CNTN4: variants seen among roughly 807,000 people sequenced by gnomAD.
CNTN4 encodes contactin 4.
Under a neutral mutation model 122.5 loss-of-function variants are expected in CNTN4, and 77 were observed. The observed-to-expected ratio is 0.63, with a 90% CI of 0.52 to 0.76. CNTN4 has a LOEUF of 0.76. Among genes scored for constraint, CNTN4 ranks in the 30% least tolerant of loss-of-function variants. The pLI is 0.00. For synonymous variants in CNTN4, 512 were observed against 447.0 expected (o/e 1.15, Z -1.83); for missense variants, 1,256 against 1,259.1 (o/e 1.00, Z 0.04).
At chr3:2,407,716 A>G (rs2047089843) in intron 3 of CNTN4, among the ~76,000 whole-genome samples, 1 of 152,186 alleles carries the variant, frequency 6.6e-6, no homozygotes, top group African/African-American at 2.4e-5. Context: ...ATGCGTCAAA[A>G]TGTCGTATCT....
chr3:2,738,374 A>G (rs1220664157), intron 5 of CNTN4, among the ~76,000 whole-genome samples: 4 of 152,206 alleles, frequency 2.6e-5, no homozygotes, highest in African/African-American at 9.6e-5. Context: ...AAATGTATGG[A>G]TAGCCTAAAT....
chr3:2,342,247 G>A (rs1033274527), intron 3 of CNTN4, among the ~76,000 whole-genome samples: 1 of 152,102 alleles, frequency 6.6e-6, no homozygotes, highest in Non-Finnish European at 1.5e-5. Flanking sequence ...CTTGGGTCAT[G>A]TTAGGTTACT....
intron 7 of CNTN4, among the ~76,000 whole-genome samples, chr3:2,859,594 C>T (rs2093652418): frequency 6.6e-6 from 1 of 151,550 alleles, no homozygotes; most frequent in African/African-American, 2.4e-5. Flanking sequence ...TTACTGACTC[C>T]AGATCTAGGC....
In CNTN4 at chr3:2,990,678, G is replaced by A. The variant is rs569060013; in HGVS notation, c.1486+2206G>A. Among the ~76,000 whole-genome samples the A allele has an allele frequency of 1.2e-3, 179 of 152,244 alleles. 2 individuals are homozygous for A. Among genetic ancestry groups the A allele is most frequent in the Non-Finnish European group, 1.9e-3 (132 of 68,024 alleles). The stretch of plus-strand genomic sequence containing the variant: ...TGCTGCTCATCTTACACTGAATCAC[G>A]ATGCAAAGCCTACAAATATATCAGG... On this transcript the variant is annotated intron_variant, in intron 14 of 24. Coordinates refer to ENST00000418658, the MANE Select transcript of CNTN4 (RefSeq NM_175607.3).
At chr3:2,257,023 A>G (rs2040622167) in intron 2 of CNTN4, among the ~76,000 whole-genome samples, 1 of 152,138 alleles carries the variant, frequency 6.6e-6, no homozygotes, top group South Asian at 2.1e-4. Flanking sequence ...GCATCAGGCT[A>G]CCTGACTTCA....
chr3:2,664,150 A>G (rs1373358504), intron 4 of CNTN4, among the ~76,000 whole-genome samples: 2 of 152,222 alleles, frequency 1.3e-5, no homozygotes. Context: ...CTTTTTAAAT[A>G]GGTAAATTGC....
intron 4 of CNTN4, among the ~76,000 whole-genome samples, chr3:2,583,723 C>T (rs2149586974): frequency 6.6e-6 from 1 of 152,178 alleles, no homozygotes; most frequent in South Asian, 2.1e-4. Flanking sequence ...AATGAAATAA[C>T]TGTTCATTCA....
intron 2 of CNTN4, among the ~76,000 whole-genome samples, chr3:2,288,592 A>G (rs2149975020): frequency 6.6e-6 from 1 of 152,304 alleles, no homozygotes; most frequent in East Asian, 1.9e-4. Flanking sequence ...GTTGCTATAA[A>G]AACAGATCAA....
chr3:2,782,419 C>G (rs541489614), intron 6 of CNTN4, among the ~76,000 whole-genome samples: 3 of 150,194 alleles, frequency 2.0e-5, no homozygotes, highest in Admixed American at 2.0e-4. Context: ...GCGATGAAGA[C>G]TTGAAAATGT....
chr3:2,213,971 G>A (rs1197805778), intron 2 of CNTN4, among the ~76,000 whole-genome samples: 1 of 152,090 alleles, frequency 6.6e-6, no homozygotes, highest in Non-Finnish European at 1.5e-5. Context: ...ATGCTTGGAG[G>A]CTTATTTCGT....
chr3:2,392,437 G>C (rs2046473381), intron 3 of CNTN4, among the ~76,000 whole-genome samples: 2 of 152,244 alleles, frequency 1.3e-5, no homozygotes, highest in African/African-American at 4.8e-5. Context: ...CTTGTTACCA[G>C]ATGAAAAATA....
chr3:2,229,375 C>G (rs973591521), intron 2 of CNTN4, among the ~76,000 whole-genome samples: 5 of 152,078 alleles, frequency 3.3e-5, no homozygotes, highest in African/African-American at 9.7e-5. Context: ...CATCAGCTTC[C>G]TGAAGTCCAG....
intron 2 of CNTN4, among the ~76,000 whole-genome samples, chr3:2,242,482 C>T (rs1455596319): frequency 6.6e-6 from 1 of 152,074 alleles, no homozygotes; most frequent in Non-Finnish European, 1.5e-5. Context: ...GCAGGATGTG[C>T]AGGTTTGTTA....
At chr3:2,810,314 C>T (rs1262054936) in intron 6 of CNTN4, among the ~76,000 whole-genome samples, 2 of 152,112 alleles carry the variant, frequency 1.3e-5, no homozygotes, top group Non-Finnish European at 2.9e-5. Context: ...TAGCATTCTT[C>T]CAAATAGATA....
At chr3:2,165,030 T>A (rs1347088359) in intron 2 of CNTN4, among the ~76,000 whole-genome samples, 1 of 152,018 alleles carries the variant, frequency 6.6e-6, no homozygotes, top group Non-Finnish European at 1.5e-5. Context: ...TGCATTAATA[T>A]CACCTAAGGT....
At chr3:2,119,714 T>C (rs2033595312) in intron 2 of CNTN4, among the ~76,000 whole-genome samples, 1 of 152,190 alleles carries the variant, frequency 6.6e-6, no homozygotes. Context: ...ATCCACTTCA[T>C]TTTTCCATTT....
At position 2,521,959 on chromosome 3, in the gene CNTN4, GA is replaced by G. The variant is rs756878359; in HGVS notation, c.-88-49456del. Among the ~76,000 whole-genome samples the G allele has an allele frequency of 5.9e-5, 9 of 152,196 alleles. No individual in the cohort carries two copies. The South Asian group carries it at 1.0e-3, about 18-fold the overall frequency. On this transcript the variant is annotated intron_variant, in intron 3 of 24. Coordinates refer to ENST00000418658, the MANE Select transcript of CNTN4 (RefSeq NM_175607.3). ...CTCTAAGCTTTGGTAAAGTGGTCCT[GA>G]TCCCGTGTGATCCTAAAAAAAGATG...
At chr3:2,294,657 G>A (rs2042243694) in intron 2 of CNTN4, among the ~76,000 whole-genome samples, 1 of 152,010 alleles carries the variant, frequency 6.6e-6, no homozygotes, top group Non-Finnish European at 1.5e-5. Flanking sequence ...AAAAAGAATA[G>A]GCTGTCTCTA....
At chr3:2,579,972 C>T (rs2079861627) in intron 4 of CNTN4, among the ~76,000 whole-genome samples, 1 of 151,940 alleles carries the variant, frequency 6.6e-6, no homozygotes, top group Admixed American at 6.6e-5. Context: ...TGGACCTTAT[C>T]TATACAATGG....
Sources: gnomAD v4.1 joint callset for allele counts (sites outside exome capture counted in the v4.1 genomes callset) on GRCh38, gnomAD v4.1.1 for gene constraint, MANE v1.5 for transcripts, NCBI Gene and HGNC (gene_info 2026-07-23, HGNC 2026-07-21) for gene names.